The following LPIN2 variants were observed in gnomAD, a reference collection of about 807,000 sequenced individuals.
LPIN2 encodes the protein lipin 2, also known as phosphatidate phosphatase LPIN2.
LPIN2 carries 55 observed loss-of-function variants against 111.4 expected under a neutral mutation model. The observed-to-expected ratio is 0.49, with a 90% CI of 0.40 to 0.62. The LOEUF (loss-of-function observed/expected upper bound fraction) is 0.62. Ranked by LOEUF, LPIN2 falls within the 20% of genes least tolerant of loss-of-function variation. LPIN2 has a pLI of 0.00. For synonymous variants in LPIN2, 425 were observed against 414.0 expected (o/e 1.03, Z -0.32); for missense variants, 992 against 1,112.1 (o/e 0.89, Z 1.54).
At chr18:2,958,729 G>C (rs1245010909) in intron 2 of LPIN2, among the ~76,000 whole-genome samples, 5 of 152,092 alleles carry the variant, frequency 3.3e-5, no homozygotes, top group Non-Finnish European at 1.5e-5. Flanking sequence ...GTTTTGACAA[G>C]ATAGTAACAC....
At chr18:2,973,735 A>G (rs1190414922) in intron 1 of LPIN2, among the ~76,000 whole-genome samples, 1 of 152,252 alleles carries the variant, frequency 6.6e-6, no homozygotes, top group African/African-American at 2.4e-5. Context: ...TAATGACCCA[A>G]GTCCAAACAT....
chr18:2,992,917 C>T (rs1471908646), intron 1 of LPIN2, among the ~76,000 whole-genome samples: 3 of 146,282 alleles, frequency 2.1e-5, no homozygotes, highest in African/African-American at 2.6e-5. Flanking sequence ...ACCTGGAAGG[C>T]GGAGCTTGCA....
chr18:2,982,825 G>C (rs2078132905), intron 1 of LPIN2: 1 of 788,508 alleles, frequency 1.3e-6, no homozygotes, highest in Non-Finnish European at 1.9e-6. Flanking sequence ...AATCAAAACA[G>C]AAAGCTGCTC....
chr18:2,967,820 G>A (rs1407935294), intron 1 of LPIN2, among the ~76,000 whole-genome samples: 1 of 152,122 alleles, frequency 6.6e-6, no homozygotes, highest in Non-Finnish European at 1.5e-5. Flanking sequence ...ATAGTAGAAT[G>A]CCAATTTGTT....
At chr18:2,937,571 A>AAAT in intron 7 of LPIN2, 121 bp downstream of exon 7, 8 of 591,232 alleles carry the variant, frequency 1.4e-5, no homozygotes, top group African/African-American at 4.5e-5. Flanking sequence ...AAAAAAAAAA[A>AAAT]GTGCGACGGG....
chr18:2,928,177 T>C (rs1413016195), intron 11 of LPIN2, among the ~76,000 whole-genome samples: 1 of 152,242 alleles, frequency 6.6e-6, no homozygotes, highest in Non-Finnish European at 1.5e-5. Flanking sequence ...TGAGTTTGTA[T>C]ATAACAGGTA....
At position 2,986,547 on chromosome 18, in the gene LPIN2, T is replaced by TGAAAAAAAAA. The variant is rs10692682; in HGVS notation, c.-9-25699_-9-25698insTTTTTTTTTC. ...TTGTGATAAGTCTATTTTTTTAATG[T>TGAAAAAAAAA]AAAAAAAAAAAAAAAAGAAAGACTA... On this transcript the variant is annotated intron_variant, in intron 1 of 19. Coordinates refer to ENST00000677752, the MANE Select transcript of LPIN2 (RefSeq NM_001375808.2). 8.9e-5 allele frequency among the ~76,000 whole-genome samples: 12 copies of TGAAAAAAAAA among 135,044 alleles called. 2 individuals carry two copies. Among genetic ancestry groups the TGAAAAAAAAA allele is most frequent in the East Asian group, 4.3e-4 (2 of 4,612 alleles). The allele number at this position is 135,044 out of a possible 152,430, so 88.6% of individuals were successfully genotyped here. A position where few individuals can be genotyped will look rare whatever the true frequency, so the allele number is the denominator to read the frequency against.
rs547167799 is a variant in LPIN2 at position 2,933,855 on chromosome 18, G to C, written c.1268+496C>G. The stretch of plus-strand genomic sequence containing the variant: ...GGACAGTGAGGGAGGCTGGGTGGCA[G>C]CTGTGGAGCTGCAGGGGATGTGGGG... On this transcript the variant is annotated intron_variant, in intron 8 of 19. Transcript: ENST00000677752. Among the ~76,000 whole-genome samples, 10 of 152,340 alleles carry C rather than the reference G, an allele frequency of 6.6e-5. No individual in the cohort carries two copies. The South Asian group carries it at 2.1e-3, about 32-fold the overall frequency.
At chr18:2,971,428 GCCCTCTCCCTA>G (rs1782749233) in intron 1 of LPIN2, among the ~76,000 whole-genome samples, 3 of 152,110 alleles carry the variant, frequency 2.0e-5, no homozygotes, top group African/African-American at 7.2e-5. Flanking sequence ...AAGGCCCCCT[GCCCTCTCCCTA>G]CCACAGCACC....
intron 7 of LPIN2, among the ~76,000 whole-genome samples, chr18:2,936,411 A>G (rs2077285797): frequency 6.6e-6 from 1 of 152,172 alleles, no homozygotes; most frequent in Non-Finnish European, 1.5e-5. Context: ...CTTGTGTTCC[A>G]AAAGTGAGGA....
intron 1 of LPIN2, among the ~76,000 whole-genome samples, chr18:2,970,094 C>T (rs1040403827): frequency 1.3e-5 from 2 of 152,160 alleles, no homozygotes; most frequent in Non-Finnish European, 2.9e-5. Context: ...CCTAAGGACC[C>T]CTTCCACAAT....
intron 1 of LPIN2, among the ~76,000 whole-genome samples, chr18:3,003,557 T>C (rs943423073): frequency 4.6e-5 from 7 of 152,242 alleles, no homozygotes; most frequent in African/African-American, 1.7e-4. Flanking sequence ...CTTAAGCCTG[T>C]CTTTACTGCA....
Position 2,928,697 on chromosome 18 carries a change from G to A in LPIN2, c.1551-37C>T, listed in dbSNP as rs771169856. On this transcript the variant is annotated intron_variant, in intron 10 of 19. Coordinates refer to ENST00000677752, the MANE Select transcript of LPIN2 (RefSeq NM_001375808.2). The stretch of plus-strand genomic sequence containing the variant: ...AAAAATTGTGCAAAACCATTACACA[G>A]TGAAAGTGAGCAAGAGAGAGGGGAG... 3.4e-6 allele frequency: 5 copies of A among 1,480,268 alleles called. No individual in the cohort carries two copies. The East Asian group carries it at 1.1e-4, about 34-fold the overall frequency. 91.7% of individuals were successfully genotyped at this position (1,480,268 alleles called of 1,614,324 possible). A position where few individuals can be genotyped will look rare whatever the true frequency, so the allele number is the denominator to read the frequency against.
At chr18:2,942,590 G>A (rs192814960) in intron 4 of LPIN2, among the ~76,000 whole-genome samples, 30 of 152,294 alleles carry the variant, frequency 2.0e-4, no homozygotes, top group Admixed American at 1.4e-3. Context: ...TTGAAAAAGC[G>A]ATCAGGTACC....
intron 7 of LPIN2, among the ~76,000 whole-genome samples, chr18:2,935,991 T>G (rs764398408): frequency 3.9e-5 from 6 of 152,240 alleles, no homozygotes; most frequent in Non-Finnish European, 8.8e-5. Flanking sequence ...AGAACTGGAT[T>G]TCCCCCCTTA....
At chr18:2,930,707 T>C (rs75356690) in intron 9 of LPIN2, among the ~76,000 whole-genome samples, 4,108 of 152,320 alleles carry the variant, frequency 0.027, 201 homozygotes, top group African/African-American at 0.094. Context: ...GCCCAGCCTA[T>C]AGGCATCCTG....
chr18:2,982,639 G>A (rs1567852818), intron 1 of LPIN2: 7 of 1,097,716 alleles, frequency 6.4e-6, no homozygotes, highest in Non-Finnish European at 7.5e-6. Context: ...GCAGCGAAGG[G>A]AGCAGGGACA....
rs957765078 is a variant in LPIN2 at position 3,013,095 on chromosome 18, G to A, written c.-18C>T. On this transcript the variant is annotated 5_prime_UTR_variant, in exon 1 of 20. Coordinates refer to ENST00000677752, the MANE Select transcript of LPIN2 (RefSeq NM_001375808.2). ...GGCCCGCGCCCACTTACCCACAGGG[G>A]CTCCGCTCCCGGCCAGCGGGCGGCT... The A allele has an allele frequency of 6.6e-6, 1 of 150,802 alleles. No homozygotes were observed. The highest frequency in any genetic ancestry group is 1.5e-5 in the Non-Finnish European group (1 of 67,566). The allele number at this position is 150,802 out of a possible 1,614,324, so 9.3% of individuals were successfully genotyped here.
Position 3,013,132 on chromosome 18 carries a change from G to GCGGCTGGACTGCGA in LPIN2, c.-56_-55insTCGCAGTCCAGCCG, listed in dbSNP as rs1362891344. 10 of 150,622 alleles carry GCGGCTGGACTGCGA rather than the reference G, an allele frequency of 6.6e-5. No homozygotes were observed. Among genetic ancestry groups the GCGGCTGGACTGCGA allele is most frequent in the Non-Finnish European group, 1.5e-4 (10 of 67,426 alleles). 9.3% of individuals were successfully genotyped at this position (150,622 alleles called of 1,614,324 possible). The stretch of plus-strand genomic sequence containing the variant: ...GCCAGCGGGCGGCTGAGGGCAGGCG[G>GCGGCTGGACTGCGA]CGGCTGGACTGCGACGGCTAGGACC... On this transcript the variant is annotated 5_prime_UTR_variant, in exon 1 of 20. Transcript: ENST00000677752.
Sources: gnomAD v4.1 joint callset for allele counts (sites outside exome capture counted in the v4.1 genomes callset) on GRCh38, gnomAD v4.1.1 for gene constraint, MANE v1.5 for transcripts, NCBI Gene and HGNC (gene_info 2026-07-23, HGNC 2026-07-21) for gene names.